Variants in LIN28B observed in about 807,000 individuals in gnomAD.
LIN28B encodes lin-28 RNA binding posttranscriptional regulator B, also known as protein lin-28 homolog B.
Under a neutral mutation model 21.9 loss-of-function variants are expected in LIN28B, and 5 were observed. The observed-to-expected ratio is 0.23, with a 90% CI of 0.12 to 0.48. The LOEUF (loss-of-function observed/expected upper bound fraction) is 0.48, where lower values mean the gene tolerates loss of function less well. LIN28B is among the 20% of genes least tolerant of loss of function. LIN28B has a pLI of 0.98. For synonymous variants in LIN28B, 109 were observed against 111.3 expected, an observed-to-expected ratio of 0.98 and a Z score of 0.13; for missense variants, 245 against 310.5, an observed-to-expected ratio of 0.79 and a Z score of 1.58.
chr6:104,984,114 A>G (rs1394148245), intron 2 of LIN28B, among the ~76,000 whole-genome samples: 1 of 152,208 alleles, frequency 6.6e-6, no homozygotes, highest in East Asian at 1.9e-4. Flanking sequence ...CACACCTTTT[A>G]TTCTACAAGT....
intron 3 of LIN28B, among the ~76,000 whole-genome samples, chr6:105,051,241 C>A (rs1771895367): frequency 6.6e-6 from 1 of 151,322 alleles, no homozygotes; most frequent in African/African-American, 2.5e-5. Context: ...GAGATTGAGA[C>A]CAGCCTGGCC....
At chr6:104,944,660 A>G (rs949533924) in intron 2 of LIN28B, among the ~76,000 whole-genome samples, 3 of 152,290 alleles carry the variant, frequency 2.0e-5, no homozygotes, top group South Asian at 2.1e-4. Flanking sequence ...TCTACATTAT[A>G]TGAAATGAGT....
intron 3 of LIN28B, among the ~76,000 whole-genome samples, chr6:105,061,379 A>G (rs1205539820): frequency 6.6e-5 from 10 of 152,158 alleles, no homozygotes; most frequent in African/African-American, 2.2e-4. Context: ...TGGAAAATAG[A>G]AATTAATTAT....
At chr6:105,037,514 C>T (rs1271323127) in intron 3 of LIN28B, among the ~76,000 whole-genome samples, 2 of 145,496 alleles carry the variant, frequency 1.4e-5, no homozygotes, top group African/African-American at 5.1e-5. Context: ...CGCTCCCTTC[C>T]CCTCTCTTTT....
chr6:104,968,764 A>G (rs1451486219), intron 2 of LIN28B, among the ~76,000 whole-genome samples: 1 of 152,174 alleles, frequency 6.6e-6, no homozygotes, highest in Non-Finnish European at 1.5e-5. Context: ...CAGATCCTAT[A>G]ATGCTTAAAT....
intron 2 of LIN28B, among the ~76,000 whole-genome samples, chr6:105,025,526 T>C (rs565842938): frequency 6.6e-6 from 1 of 152,314 alleles, no homozygotes; most frequent in Admixed American, 6.5e-5. Flanking sequence ...GTAATGTATA[T>C]ACCAGAAAAC....
At chr6:104,994,354 G>A (rs1440199926) in intron 2 of LIN28B, among the ~76,000 whole-genome samples, 2 of 152,090 alleles carry the variant, frequency 1.3e-5, no homozygotes, top group Non-Finnish European at 2.9e-5. Context: ...AAGATCTGTG[G>A]CAAAATAAAA....
chr6:105,070,214 C>T (rs1296872512), intron 3 of LIN28B, among the ~76,000 whole-genome samples: 1 of 152,108 alleles, frequency 6.6e-6, no homozygotes, highest in African/African-American at 2.4e-5. Flanking sequence ...CTCAAAGATT[C>T]TGGTTTAATT....
At chr6:105,057,450 T>C (rs560629626) in intron 3 of LIN28B, among the ~76,000 whole-genome samples, 4 of 152,344 alleles carry the variant, frequency 2.6e-5, no homozygotes, top group Admixed American at 2.6e-4. Flanking sequence ...GAGTGTTGTA[T>C]TTCTCATTTT....
intron 3 of LIN28B, among the ~76,000 whole-genome samples, chr6:105,047,802 T>A (rs1407113454): frequency 6.6e-6 from 1 of 152,212 alleles, no homozygotes; most frequent in Non-Finnish European, 1.5e-5. Flanking sequence ...AGTTCACTCA[T>A]GATTTGGCTC....
chr6:105,069,238 C>CA lies in LIN28B; in HGVS notation c.384-9169dup, dbSNP rs958150524. 4.0e-5 allele frequency among the ~76,000 whole-genome samples: 6 copies of CA among 151,798 alleles called. No individual in the cohort carries two copies. In the East Asian group the frequency reaches 7.7e-4, roughly 20 times the overall value. Reference sequence around the variant, plus strand: ...GTCTCAAAAAGCAAAACAAAACAAACAAAAAAACAGAATTTGGCCATGGAG... The same window carrying CA: ...GTCTCAAAAAGCAAAACAAAACAAACAAAAAAAACAGAATTTGGCCATGGAG... On this transcript the variant is annotated intron_variant, in intron 3 of 3. Coordinates refer to ENST00000345080, the MANE Select transcript of LIN28B (RefSeq NM_001004317.4).
At chr6:104,951,758 A>G (rs1778223714) in intron 3 of LIN28B, among the ~76,000 whole-genome samples, 1 of 152,198 alleles carries the variant, frequency 6.6e-6, no homozygotes, top group Admixed American at 6.5e-5. Flanking sequence ...AAGACTTTGA[A>G]TATTTGCTGG....
At chr6:104,993,766 C>T (rs1471416873) in intron 2 of LIN28B, among the ~76,000 whole-genome samples, 1 of 146,756 alleles carries the variant, frequency 6.8e-6, no homozygotes, top group Non-Finnish European at 1.5e-5. Flanking sequence ...ACCTGGGAGA[C>T]GGAGGTTGCG....
chr6:105,046,983 T>C (rs1771782392), intron 3 of LIN28B, among the ~76,000 whole-genome samples: 1 of 152,192 alleles, frequency 6.6e-6, no homozygotes, highest in Non-Finnish European at 1.5e-5. Flanking sequence ...TTCACTCTGA[T>C]GGTAGTTTCT....
intron 3 of LIN28B, among the ~76,000 whole-genome samples, chr6:105,027,797 G>T (rs1412520044): frequency 6.6e-6 from 1 of 151,866 alleles, no homozygotes; most frequent in Admixed American, 6.6e-5. Context: ...AATCTAATTT[G>T]CTTTTGAAGA....
At chr6:105,046,308 T>C (rs1771759946) in intron 3 of LIN28B, among the ~76,000 whole-genome samples, 1 of 152,182 alleles carries the variant, frequency 6.6e-6, no homozygotes, top group African/African-American at 2.4e-5. Flanking sequence ...AGAATGATGG[T>C]TTCCAGCTTC....
At chr6:104,937,057 T>TC (rs1778016740) in exon 2 of LIN28B, 1 of 151,958 alleles carries the variant, frequency 6.6e-6, no homozygotes, top group Non-Finnish European at 1.5e-5. Flanking sequence ...GCTCAAGCGA[T>TC]TCGCCACGTC....
rs189569007 is a variant in LIN28B at position 104,959,328 on chromosome 6, A to C, written c.198+1042A>C. Among the ~76,000 whole-genome samples the C allele has an allele frequency of 7.5e-3, 1,142 of 152,358 alleles. 16 individuals carry two copies. The highest frequency in any genetic ancestry group is 0.014 in the South Asian group (70 of 4,830). On this transcript the variant is annotated intron_variant, in intron 2 of 3. Coordinates refer to ENST00000345080, the MANE Select transcript of LIN28B (RefSeq NM_001004317.4). ...TTGAATGAAAGGCTGTTAATACTAC[A>C]GATTGACTGACAGATACATGGGTGA...
At chr6:105,067,380 T>G (rs1772240102) in intron 3 of LIN28B, among the ~76,000 whole-genome samples, 1 of 152,200 alleles carries the variant, frequency 6.6e-6, no homozygotes, top group African/African-American at 2.4e-5. Flanking sequence ...GGCTTTTATT[T>G]ATTTGTGTAT....
Sources: allele counts gnomAD v4.1 joint callset (sites outside exome capture counted in the v4.1 genomes callset), GRCh38; gene constraint gnomAD v4.1.1; transcripts MANE v1.5; gene names NCBI Gene and HGNC (gene_info 2026-07-23, HGNC 2026-07-21).